The following CSMD1 variants were observed in gnomAD, a reference collection of about 807,000 sequenced individuals.
CSMD1 encodes the protein CUB and Sushi multiple domains 1, also known as CUB and sushi domain-containing protein 1.
CSMD1 carries 213 observed loss-of-function variants against 417.5 expected under a neutral mutation model. The observed-to-expected ratio is 0.51, with a 90% CI of 0.46 to 0.57. CSMD1 has a LOEUF of 0.57. Ranked by LOEUF, CSMD1 falls within the 20% of genes least tolerant of loss-of-function variation. The pLI is 0.00. For missense variants in CSMD1, 6,923 were observed against 4,529.7 expected, an observed-to-expected ratio of 1.53 and a Z score of -15.17; for synonymous variants, 2,862 against 1,736.8, an observed-to-expected ratio of 1.65 and a Z score of -16.11.
chr8:3,995,989 G>A (rs767470414), intron 5 of CSMD1, among the ~76,000 whole-genome samples: 1 of 152,102 alleles, frequency 6.6e-6, no homozygotes, highest in Non-Finnish European at 1.5e-5. Context: ...AGTCTCTCTG[G>A]CTATCTGTGC....
At chr8:4,025,856 C>G (rs1797036833) in intron 4 of CSMD1, among the ~76,000 whole-genome samples, 1 of 151,938 alleles carries the variant, frequency 6.6e-6, no homozygotes, top group Non-Finnish European at 1.5e-5. Flanking sequence ...ACAGTTATAC[C>G]TTTTTCTTTA....
chr8:4,363,933 G>C (rs572056552), intron 3 of CSMD1, among the ~76,000 whole-genome samples: 6 of 151,998 alleles, frequency 3.9e-5, no homozygotes, highest in African/African-American at 9.7e-5. Flanking sequence ...AGATGAAAAT[G>C]GTTAACAAGT....
chr8:3,570,334 T>A (rs1799892303), intron 10 of CSMD1, among the ~76,000 whole-genome samples: 1 of 152,258 alleles, frequency 6.6e-6, no homozygotes, highest in Non-Finnish European at 1.5e-5. Flanking sequence ...CGTCGGCTCC[T>A]CTTCCTGGCT....
In CSMD1 at chr8:3,359,189, G is replaced by T; in HGVS notation, c.3267C>A (p.Gly1089=). The T allele has an allele frequency of 6.2e-7, 1 of 1,613,922 alleles. No homozygotes were observed. Among genetic ancestry groups the T allele is most frequent in the Non-Finnish European group, 8.5e-7 (1 of 1,179,916 alleles). Residue 1089 remains glycine, a synonymous_variant, in exon 21 of 70, where the codon GGC becomes GGA. Transcript: ENST00000635120. ...GATKLTCLGG[G]RRVWSAPLPR... Reference sequence around the variant, plus strand: ...GCAGAGGTGCACTCCACACACGGCGGCCCCCACCCAGGCAGGTAAGCTTGG... The same window carrying T: ...GCAGAGGTGCACTCCACACACGGCGTCCCCCACCCAGGCAGGTAAGCTTGG...
intron 7 of CSMD1, among the ~76,000 whole-genome samples, chr8:3,621,424 C>T (rs1796237717): frequency 6.6e-6 from 1 of 152,128 alleles, no homozygotes; most frequent in East Asian, 1.9e-4. Context: ...ATGGTTTTGC[C>T]AGGGGCTGGG....
At chr8:3,655,624 C>A (rs186380929) in intron 7 of CSMD1, among the ~76,000 whole-genome samples, 1 of 151,384 alleles carries the variant, frequency 6.6e-6, no homozygotes, top group Admixed American at 6.6e-5. Flanking sequence ...GGCTGCAAGC[C>A]AGCTGAGCCT....
At chr8:4,515,857 C>A (rs1050348205) in intron 2 of CSMD1, among the ~76,000 whole-genome samples, 5 of 152,130 alleles carry the variant, frequency 3.3e-5, no homozygotes. Context: ...AGCTCATAAG[C>A]CTGCTGGCAC....
At chr8:4,026,897 G>A (rs1382050146) in intron 4 of CSMD1, among the ~76,000 whole-genome samples, 2 of 151,896 alleles carry the variant, frequency 1.3e-5, no homozygotes, top group African/African-American at 2.4e-5. Context: ...GTATGCTGCT[G>A]AGCGAATTCT....
At chr8:3,219,481 G>T (rs746248993) in intron 28 of CSMD1, 39 bp from the exon 29 acceptor site, 9 of 1,343,186 alleles carry the variant, frequency 6.7e-6, no homozygotes, top group Non-Finnish European at 8.8e-6. Flanking sequence ...ACGGCTAACA[G>T]ATATTTTATC....
At chr8:4,674,178 G>C (rs1274201619) in intron 1 of CSMD1, among the ~76,000 whole-genome samples, 2 of 152,116 alleles carry the variant, frequency 1.3e-5, no homozygotes, top group African/African-American at 2.4e-5. Context: ...TCGATCTAAT[G>C]GTCAGACCTC....
chr8:3,761,379 T>A (rs1251750532), intron 5 of CSMD1, among the ~76,000 whole-genome samples: 1 of 151,990 alleles, frequency 6.6e-6, no homozygotes, highest in Non-Finnish European at 1.5e-5. Flanking sequence ...TGCACACGTA[T>A]ATACTATCTG....
chr8:4,491,750 G>C (rs1198916352), intron 2 of CSMD1, among the ~76,000 whole-genome samples: 1 of 152,144 alleles, frequency 6.6e-6, no homozygotes, highest in Non-Finnish European at 1.5e-5. Context: ...GGGGCAACAG[G>C]AAGGCTCACT....
rs746870160 is a variant in CSMD1 at position 4,017,040 on chromosome 8, G to C, written c.610+14865C>G. On this transcript the variant is annotated intron_variant, in intron 4 of 69. Coordinates refer to ENST00000635120, the MANE Select transcript of CSMD1 (RefSeq NM_033225.6). ...CAGAAGGAAGAGCCACATCATAAAG[G>C]AACAAAAGCAGATATTCATCCGGAG... Among the ~76,000 whole-genome samples, 12 of 152,106 alleles carry C rather than the reference G, an allele frequency of 7.9e-5. No individual in the cohort carries two copies. In the South Asian group the frequency reaches 8.3e-4, roughly 11 times the overall value.
At chr8:3,830,469 T>G (rs1486985534) in intron 5 of CSMD1, among the ~76,000 whole-genome samples, 1 of 152,246 alleles carries the variant, frequency 6.6e-6, no homozygotes, top group African/African-American at 2.4e-5. Flanking sequence ...TTTCTTTCTC[T>G]AAGCTCTGCA....
intron 46 of CSMD1, among the ~76,000 whole-genome samples, chr8:3,099,191 C>T (rs1487054402): frequency 1.3e-5 from 2 of 152,040 alleles, no homozygotes; most frequent in Admixed American, 6.6e-5. Context: ...ATAAGCAAAC[C>T]GCAATTACAA....
chr8:4,954,105 A>G (rs941532428), intron 1 of CSMD1, among the ~76,000 whole-genome samples: 14 of 152,320 alleles, frequency 9.2e-5, no homozygotes, highest in Non-Finnish European at 1.8e-4. Flanking sequence ...GTGCCAATTT[A>G]AACACATTAT....
At chr8:3,302,660 C>A (rs1439777887) in intron 25 of CSMD1, among the ~76,000 whole-genome samples, 1 of 152,312 alleles carries the variant, frequency 6.6e-6, no homozygotes, top group East Asian at 1.9e-4. Context: ...ACCCTGTGAG[C>A]AGTCACCAGC....
intron 3 of CSMD1, among the ~76,000 whole-genome samples, chr8:4,217,502 G>A (rs567775823): frequency 6.6e-6 from 1 of 152,138 alleles, no homozygotes; most frequent in African/African-American, 2.4e-5. Flanking sequence ...CTCGTCCCTG[G>A]CATCAAGGGG....
chr8:4,397,910 T>G (rs1196688308), intron 3 of CSMD1, among the ~76,000 whole-genome samples: 5 of 152,300 alleles, frequency 3.3e-5, no homozygotes, highest in Middle Eastern at 3.4e-3. Context: ...GTCACAATTT[T>G]AAGCTTGTTC....
Sources: gnomAD v4.1 joint callset for allele counts (sites outside exome capture counted in the v4.1 genomes callset) on GRCh38, gnomAD v4.1.1 for gene constraint, MANE v1.5 for transcripts, NCBI Gene and HGNC (gene_info 2026-07-23, HGNC 2026-07-21) for gene names.